Variants in PRKCQ observed in about 807,000 individuals in gnomAD.
PRKCQ encodes protein kinase C theta type.
PRKCQ carries 41 observed loss-of-function variants against 91.2 expected under a neutral mutation model. The ratio of observed to expected loss-of-function variants is 0.45; its 90% CI spans 0.35 to 0.58. PRKCQ has a LOEUF of 0.58. PRKCQ is among the 20% of genes least tolerant of loss of function. The pLI, the probability that PRKCQ is intolerant of heterozygous loss-of-function variation, is 0.00. For synonymous variants in PRKCQ, 307 were observed against 316.9 expected (o/e 0.97, Z 0.33); for missense variants, 673 against 896.5 (o/e 0.75, Z 3.18).
chr10:6,461,288 C>T (rs907843270), intron 14 of PRKCQ, among the ~76,000 whole-genome samples: 1 of 152,188 alleles, frequency 6.6e-6, no homozygotes, highest in African/African-American at 2.4e-5. Context: ...ATCCATCCAT[C>T]CATCTATCCA....
chr10:6,436,246 C>A (rs1353193068), intron 16 of PRKCQ, among the ~76,000 whole-genome samples: 1 of 152,200 alleles, frequency 6.6e-6, no homozygotes, highest in Non-Finnish European at 1.5e-5. Flanking sequence ...GCCACTGAAA[C>A]TCTGCAGATG....
chr10:6,530,096 A>G (rs1839338069), intron 1 of PRKCQ, among the ~76,000 whole-genome samples: 1 of 152,134 alleles, frequency 6.6e-6, no homozygotes, highest in Non-Finnish European at 1.5e-5. Flanking sequence ...ACTGCACTGG[A>G]TATGCATATG....
chr10:6,459,438 G>A (rs1320551060), intron 14 of PRKCQ, among the ~76,000 whole-genome samples: 1 of 152,106 alleles, frequency 6.6e-6, no homozygotes, highest in Non-Finnish European at 1.5e-5. Context: ...GAGCACACAT[G>A]GTCTGTGATA....
In PRKCQ at chr10:6,430,590, T is replaced by C. The variant is rs181797991; in HGVS notation, c.1965+220A>G. Among the ~76,000 whole-genome samples, 143 of 152,324 alleles carry C rather than the reference T, an allele frequency of 9.4e-4. No individual in the cohort carries two copies. Among genetic ancestry groups the C allele is most frequent in the African/African-American group, 3.2e-3 (134 of 41,562 alleles). On this transcript the variant is annotated intron_variant, in intron 17 of 17. Transcript: ENST00000263125. This position sits in a 1 kb window ranked among gnomAD's most constrained non-coding sequence, Gnocchi z 4.7. The stretch of plus-strand genomic sequence containing the variant: ...AATCCATTCTTCATGCAGGCGCATC[T>C]TGACGACAGAGATTAAATTTTGCAA...
intron 4 of PRKCQ, among the ~76,000 whole-genome samples, chr10:6,504,123 G>C (rs1231203765): frequency 6.6e-6 from 1 of 152,138 alleles, no homozygotes; most frequent in Non-Finnish European, 1.5e-5. Context: ...ACACTTAACA[G>C]GCATTCTGTA....
chr10:6,424,254 T>C (rs1287833349), downstream of PRKCQ, among the ~76,000 whole-genome samples: 4 of 152,288 alleles, frequency 2.6e-5, no homozygotes, highest in African/African-American at 9.6e-5. Flanking sequence ...GACATGTCCT[T>C]CAGTTGCTCC....
chr10:6,492,238 T>TAAAAAA (rs5782902), intron 7 of PRKCQ, among the ~76,000 whole-genome samples: 2 of 147,326 alleles, frequency 1.4e-5, no homozygotes, highest in Non-Finnish European at 1.5e-5. Context: ...TTGGAAGATG[T>TAAAAAA]AAAAAAAAAA....
intron 11 of PRKCQ, among the ~76,000 whole-genome samples, chr10:6,479,705 A>T (rs1836473959): frequency 6.7e-6 from 1 of 148,312 alleles, no homozygotes; most frequent in Non-Finnish European, 1.5e-5. Flanking sequence ...CAAGGCAGGC[A>T]GATCATCTGA....
intron 16 of PRKCQ, among the ~76,000 whole-genome samples, chr10:6,432,274 A>G (rs770384511): frequency 2.0e-5 from 3 of 152,210 alleles, no homozygotes; most frequent in Non-Finnish European, 2.9e-5. Context: ...CATGTTCTGA[A>G]ATAGTGCTTC....
At chr10:6,429,718 CT>C (rs906543200) in intron 17 of PRKCQ, among the ~76,000 whole-genome samples, 13 of 151,734 alleles carry the variant, frequency 8.6e-5, no homozygotes, top group East Asian at 1.9e-4. Flanking sequence ...TTCTTAATGA[CT>C]TTTTTTTGTT....
At position 6,464,377 on chromosome 10, in the gene PRKCQ, G is replaced by A. The variant is rs1835521842; in HGVS notation, c.1381C>T (p.Leu461Phe). ...TGGTACATTAAGTCCCCTCCGTTGA[G>A]GTACTCCATCACAAAAAAGAGGTTT... ...KENLFFVMEYLNGGDLMYHIQ... is the reference protein window; with the variant it reads ...KENLFFVMEYFNGGDLMYHIQ... Residue 461 changes from leucine (L) to phenylalanine (F), a missense_variant, in exon 13 of 18, where the codon CTC becomes TTC. Transcript: ENST00000263125. 1 of 1,611,048 alleles carries A rather than the reference G, an allele frequency of 6.2e-7. No individual in the cohort carries two copies. The highest frequency in any genetic ancestry group is 1.7e-5 in the Admixed American group (1 of 58,726).
At chr10:6,406,603 T>C in the PRKCQ span, among the ~76,000 whole-genome samples, 2 of 152,252 alleles carry the variant, frequency 1.3e-5, no homozygotes, top group Admixed American at 1.3e-4. Flanking sequence ...CAATGTGTTA[T>C]GTTTAACCAG....
At chr10:6,489,878 A>T (rs1837183697) in intron 8 of PRKCQ, among the ~76,000 whole-genome samples, 1 of 152,052 alleles carries the variant, frequency 6.6e-6, no homozygotes, top group Non-Finnish European at 1.5e-5. Flanking sequence ...AACCCCTGGG[A>T]AGTTCTAAGC....
chr10:6,571,860 C>CT (rs1157221934), intron 1 of PRKCQ, among the ~76,000 whole-genome samples: 2 of 152,122 alleles, frequency 1.3e-5, no homozygotes, highest in Admixed American at 1.3e-4. Context: ...AAACAGGAAC[C>CT]AGGTGTGGTC....
At position 6,427,658 on chromosome 10, in the gene PRKCQ, ATTGT is replaced by A; in HGVS notation, c.*545_*548del. The A allele has an allele frequency of 2.0e-5, 3 of 153,364 alleles. No homozygotes were observed. The highest frequency in any genetic ancestry group is 2.0e-4 in the South Asian group (1 of 4,904). The allele number at this position is 153,364 out of a possible 1,614,324, so 9.5% of individuals were successfully genotyped here. Reference sequence around the variant, plus strand: ...AGATCTCAAGTTACAAGCTATGTTTATTGTAAAGAATTCCCATAAAAACCTATCC... The same window carrying A: ...AGATCTCAAGTTACAAGCTATGTTTAAAAGAATTCCCATAAAAACCTATCC... On this transcript the variant is annotated 3_prime_UTR_variant, in exon 18 of 18. Transcript: ENST00000263125.
intron 11 of PRKCQ, 31 bp downstream of exon 11, chr10:6,483,409 G>A: frequency 6.2e-7 from 1 of 1,613,472 alleles, no homozygotes; most frequent in South Asian, 1.1e-5. Flanking sequence ...CCTGGAGTTG[G>A]GCCATAGCAT....
chr10:6,443,265 T>C (rs1834069864), intron 15 of PRKCQ, among the ~76,000 whole-genome samples: 1 of 152,212 alleles, frequency 6.6e-6, no homozygotes, highest in East Asian at 1.9e-4. Context: ...AGATGGTACA[T>C]GGTAGGACCC....
chr10:6,411,268 A>G, the PRKCQ span, among the ~76,000 whole-genome samples: 1 of 152,192 alleles, frequency 6.6e-6, no homozygotes, highest in African/African-American at 2.4e-5. Context: ...TGGAGATTAA[A>G]GGAGTTGATG....
chr10:6,517,922 G>A (rs1042055741), intron 1 of PRKCQ, among the ~76,000 whole-genome samples: 1 of 152,160 alleles, frequency 6.6e-6, no homozygotes, highest in African/African-American at 2.4e-5. Flanking sequence ...CCAACTAATT[G>A]TGGAAAAATG....
Sources: allele counts gnomAD v4.1 joint callset (sites outside exome capture counted in the v4.1 genomes callset), GRCh38; gene constraint gnomAD v4.1.1; non-coding constraint Gnocchi (gnomAD v3.1); transcripts MANE v1.5; gene names NCBI Gene and HGNC (gene_info 2026-07-23, HGNC 2026-07-21).